Variants in SEMA4B observed in about 807,000 individuals in gnomAD.
The protein encoded by SEMA4B is semaphorin 4B.
A neutral mutation model predicts 88.1 loss-of-function variants in SEMA4B; 55 were observed. The observed-to-expected ratio is 0.62, with a 90% CI of 0.50 to 0.78. SEMA4B has a LOEUF of 0.78. SEMA4B is among the 30% of genes least tolerant of loss of function. The pLI is 0.00. For synonymous variants in SEMA4B, 525 were observed against 473.6 expected (o/e 1.11, Z -1.41); for missense variants, 1,062 against 1,111.9 (o/e 0.96, Z 0.64).
At position 90,201,473 on chromosome 15, in the gene SEMA4B, C is replaced by G. The variant is rs1960718905; in HGVS notation, c.-106C>G. Reference sequence around the variant, plus strand: ...CGCCCCCCAGGTCCGGAGGCGGGGGCCCCCGGGGCGACTCGGGGGCGGACC... The same window carrying G: ...CGCCCCCCAGGTCCGGAGGCGGGGGGCCCCGGGGCGACTCGGGGGCGGACC... On this transcript the variant is annotated 5_prime_UTR_variant, in exon 1 of 14. Transcript: ENST00000411539. 3.8e-6 allele frequency: 5 copies of G among 1,308,018 alleles called. No homozygotes were observed. The highest frequency in any genetic ancestry group is 4.8e-6 in the Non-Finnish European group (5 of 1,031,774). 81.0% of individuals were successfully genotyped at this position (1,308,018 alleles called of 1,614,324 possible). A position where few individuals can be genotyped will look rare whatever the true frequency, so the allele number is the denominator to read the frequency against.
intron 7 of SEMA4B, among the ~76,000 whole-genome samples, chr15:90,222,295 C>T (rs550163147): frequency 6.9e-6 from 1 of 144,132 alleles, no homozygotes; most frequent in Non-Finnish European, 1.5e-5. Flanking sequence ...AATAGCCGGG[C>T]ATGGTGGCTC....
At position 90,206,615 on chromosome 15, in the gene SEMA4B, G is replaced by A; in HGVS notation, c.157+4880G>A. The A allele has an allele frequency of 4.9e-6, 3 of 609,376 alleles. No individual in the cohort carries two copies. In the South Asian group the frequency reaches 5.6e-5, roughly 11 times the overall value. The allele number at this position is 609,376 out of a possible 1,614,324, so 37.7% of individuals were successfully genotyped here. ...TGCTGGAGGGGTAATGGACATTAAT[G>A]CTGCTTTACAAGAGCTGTTGAAGAC... is the stretch of plus-strand genomic sequence containing the variant. On this transcript the variant is annotated intron_variant, in intron 1 of 13. Transcript: ENST00000411539.
At chr15:90,213,718 C>T (rs180827519) in intron 1 of SEMA4B, among the ~76,000 whole-genome samples, 3 of 152,344 alleles carry the variant, frequency 2.0e-5, no homozygotes, top group Admixed American at 6.5e-5. Flanking sequence ...CAGGTGGAAA[C>T]GCTCTTTTGC....
chr15:90,203,755 C>T (rs1430222940), intron 1 of SEMA4B, among the ~76,000 whole-genome samples: 1 of 152,184 alleles, frequency 6.6e-6, no homozygotes, highest in East Asian at 1.9e-4. Flanking sequence ...ACCTGAAATG[C>T]AGTCCACACT....
chr15:90,199,502 C>G (rs1960624360), upstream of SEMA4B, among the ~76,000 whole-genome samples: 1 of 151,850 alleles, frequency 6.6e-6, no homozygotes, highest in African/African-American at 2.4e-5. Flanking sequence ...ACATGTTGGG[C>G]TCGAGATGGT....
At position 90,228,626 on chromosome 15, in the gene SEMA4B, C is replaced by G. The variant is rs545080751; in HGVS notation, c.2497C>G (p.Arg833Gly). 1 of 1,613,334 alleles carries G rather than the reference C, an allele frequency of 6.2e-7. No individual in the cohort carries two copies. Residue 833 changes from arginine to glycine, a missense_variant, in exon 14 of 14, where the codon CGT (arginine) becomes GGT (glycine). Physicochemically the swap from Arg to Gly is moderately radical, Grantham distance 125. Transcript: ENST00000411539. The stretch of plus-strand genomic sequence containing the variant: ...CCGGGTCCGCCTTGGCTCGGAGATC[C>G]GTGACTCTGTGGTGTGAGAGCTGAC... ...RPRVRLGSEI[R>G]DSVV
chr15:90,189,508 T>G (rs1176289568), intron 1 of SEMA4B, among the ~76,000 whole-genome samples: 1 of 152,118 alleles, frequency 6.6e-6, no homozygotes, highest in Non-Finnish European at 1.5e-5. Flanking sequence ...ATGTAAAAAT[T>G]TGGCACAATC....
chr15:90,198,977 A>G (rs368765388), upstream of SEMA4B, among the ~76,000 whole-genome samples: 94 of 152,222 alleles, frequency 6.2e-4, 1 homozygote, highest in South Asian at 0.019. Context: ...CGGTTCAAGC[A>G]ATTCTCCTGC....
chr15:90,205,030 C>T (rs1411891965), intron 1 of SEMA4B, among the ~76,000 whole-genome samples: 1 of 152,218 alleles, frequency 6.6e-6, no homozygotes, highest in African/African-American at 2.4e-5. Flanking sequence ...CCATCTTGGC[C>T]TCCCAAAGTG....
intron 1 of SEMA4B, among the ~76,000 whole-genome samples, chr15:90,210,695 C>T (rs576417282): frequency 1.1e-3 from 172 of 152,196 alleles, no homozygotes; most frequent in Non-Finnish European, 2.1e-3. Flanking sequence ...GAGGGAGACA[C>T]GGAGTGATGC....
chr15:90,211,538 G>C (rs1039535181), intron 1 of SEMA4B, among the ~76,000 whole-genome samples: 4 of 152,200 alleles, frequency 2.6e-5, no homozygotes, highest in African/African-American at 9.6e-5. Flanking sequence ...AGGAAGAAGT[G>C]GCTGCCCTGC....
At chr15:90,199,165 C>T (rs1368212374), upstream of SEMA4B, among the ~76,000 whole-genome samples, 1 of 152,080 alleles carries the variant, frequency 6.6e-6, no homozygotes, top group Admixed American at 6.6e-5. Context: ...TGAGCCACCA[C>T]CCCTGTCCTG....
At chr15:90,215,123 T>C (rs1961471184) in intron 1 of SEMA4B, among the ~76,000 whole-genome samples, 1 of 152,116 alleles carries the variant, frequency 6.6e-6, no homozygotes, top group Non-Finnish European at 1.5e-5. Flanking sequence ...GTTTTTGTGT[T>C]CTCATCAGCT....
At chr15:90,208,746 C>CT (rs1961113283) in intron 1 of SEMA4B, among the ~76,000 whole-genome samples, 2 of 116,974 alleles carry the variant, frequency 1.7e-5, no homozygotes, top group African/African-American at 3.6e-5. Context: ...TTCTTTTTTT[C>CT]TTTTTCTTTT....
At chr15:90,201,221 C>G (rs551715677), upstream of SEMA4B, 5 of 763,114 alleles carry the variant, frequency 6.6e-6, no homozygotes, top group East Asian at 1.1e-4. Context: ...TGCGGCAGCG[C>G]CCCGAGCTGC....
At chr15:90,209,100 C>T (rs1023692420) in intron 1 of SEMA4B, among the ~76,000 whole-genome samples, 3 of 152,094 alleles carry the variant, frequency 2.0e-5, no homozygotes, top group South Asian at 2.1e-4. Flanking sequence ...TCTGGGGCCC[C>T]TCTCTGGGCT....
Position 90,206,243 on chromosome 15 carries a change from C to T in SEMA4B, c.157+4508C>T, listed in dbSNP as rs562945714. Among the ~76,000 whole-genome samples, 7 of 152,310 alleles carry T rather than the reference C, an allele frequency of 4.6e-5. No individual in the cohort carries two copies. The South Asian group carries it at 1.5e-3, about 32-fold the overall frequency. On this transcript the variant is annotated intron_variant, in intron 1 of 13. Transcript: ENST00000411539. ...TCAGGCTGGCGCAGGACTCAGGGGG[C>T]CTCTGATGTGGCCCTCCCTGGGGAT...
rs76252000 is a variant in SEMA4B at position 90,229,411 on chromosome 15, G to A, written c.*768G>A. The A allele has an allele frequency of 3.3e-4, 150 of 456,502 alleles. No homozygotes were observed. In the East Asian group the frequency reaches 5.1e-3, roughly 16 times the overall value. 28.3% of individuals were successfully genotyped at this position (456,502 alleles called of 1,614,324 possible). ...GTCGCCTGCCTTCCTCCGTTGTTGCGTGAGAACCCGTGTGCCCCTTCCCAC... is the reference window on the plus strand; with the variant it reads ...GTCGCCTGCCTTCCTCCGTTGTTGCATGAGAACCCGTGTGCCCCTTCCCAC... On this transcript the variant is annotated 3_prime_UTR_variant, in exon 14 of 14. Coordinates refer to ENST00000411539, the MANE Select transcript of SEMA4B (RefSeq NM_198925.4).
intron 1 of SEMA4B, among the ~76,000 whole-genome samples, chr15:90,216,596 T>C (rs1230667231): frequency 6.6e-6 from 1 of 152,196 alleles, no homozygotes; most frequent in Non-Finnish European, 1.5e-5. Context: ...AGACCAGTGC[T>C]TTTTTGGGAG....
Sources: allele counts gnomAD v4.1 joint callset (sites outside exome capture counted in the v4.1 genomes callset), GRCh38; gene constraint gnomAD v4.1.1; transcripts MANE v1.5; gene names NCBI Gene and HGNC (gene_info 2026-07-23, HGNC 2026-07-21).